The following PSMD1 variants were observed in gnomAD, a reference collection of about 807,000 sequenced individuals.
The protein encoded by PSMD1 is 26S proteasome non-ATPase regulatory subunit 1.
Under a neutral mutation model 119.0 loss-of-function variants are expected in PSMD1, and 18 were observed. That is an observed-to-expected ratio of 0.15 (90% CI 0.10 to 0.22). The LOEUF is 0.22. Among genes scored for constraint, PSMD1 ranks in the 10% least tolerant of loss-of-function variants. The probability of loss-of-function intolerance (pLI) is 1.00; values close to 1 mark genes in which losing one functional copy is unlikely to be tolerated. For synonymous variants in PSMD1, 374 were observed against 396.6 expected (o/e 0.94, Z 0.68); for missense variants, 702 against 1,158.5 (o/e 0.61, Z 5.72).
At chr2:231,069,195 A>G (rs777108235) in intron 5 of PSMD1, among the ~76,000 whole-genome samples, 25 of 152,334 alleles carry the variant, frequency 1.6e-4, no homozygotes, top group Middle Eastern at 3.4e-3. Context: ...TTTTAAAAAA[A>G]AAAAAGCAGA....
At chr2:231,086,048 T>G (rs1000871597) in intron 15 of PSMD1, among the ~76,000 whole-genome samples, 3 of 152,048 alleles carry the variant, frequency 2.0e-5, no homozygotes, top group Non-Finnish European at 4.4e-5. Flanking sequence ...TTTTTTTTTT[T>G]TAGCGACTTT....
chr2:231,066,866 C>T, intron 4 of PSMD1, 40 bp from the exon 5 acceptor site: 1 of 1,488,800 alleles, frequency 6.7e-7, no homozygotes, highest in South Asian at 1.4e-5. Context: ...ATAGTTTAGC[C>T]CAATTTACAA....
At chr2:231,117,078 T>C (rs1029005227) in intron 16 of PSMD1, among the ~76,000 whole-genome samples, 7 of 152,062 alleles carry the variant, frequency 4.6e-5, no homozygotes, top group Admixed American at 1.3e-4. Context: ...CTTTTCCTAG[T>C]CTAGAGACTT....
intron 17 of PSMD1, among the ~76,000 whole-genome samples, chr2:231,140,678 G>C (rs2125249324): frequency 6.6e-6 from 1 of 151,974 alleles, no homozygotes; most frequent in East Asian, 1.9e-4. Context: ...AGGAGTTCAA[G>C]ACCAGCCTGG....
At chr2:231,070,256 C>A in intron 6 of PSMD1, 88 bp downstream of exon 6, 1 of 1,074,568 alleles carries the variant, frequency 9.3e-7, no homozygotes, top group Non-Finnish European at 1.2e-6. Context: ...CTTTATATTA[C>A]TATAATGGCT....
chr2:231,094,044 T>C (rs1694666102), intron 16 of PSMD1, among the ~76,000 whole-genome samples: 1 of 152,230 alleles, frequency 6.6e-6, no homozygotes, highest in Non-Finnish European at 1.5e-5. Context: ...TGGATACATG[T>C]ACATATCTTT....
rs1249244585 is a variant in PSMD1 at position 231,123,601 on chromosome 2, T to G, written c.1884-15135T>G. 1.1e-5 allele frequency: 17 copies of G among 1,614,026 alleles called. No individual in the cohort carries two copies. The East Asian group carries it at 3.6e-4, about 34-fold the overall frequency. ...CATGAGTATCAGAAGAGCTGCCCAG[T>G]GCAGTTTATTTCCCTGTTCCTCAAC... On this transcript the variant is annotated intron_variant, in intron 16 of 24. Transcript: ENST00000308696.
intron 17 of PSMD1, chr2:231,139,111 G>GT (rs1180501821): frequency 1.5e-5 from 7 of 478,230 alleles, no homozygotes; most frequent in African/African-American, 5.9e-5. Context: ...TGATTTCTGG[G>GT]TTTTTTGTTT....
At chr2:231,099,899 T>C (rs1401969895) in intron 16 of PSMD1, among the ~76,000 whole-genome samples, 1 of 152,220 alleles carries the variant, frequency 6.6e-6, no homozygotes, top group East Asian at 1.9e-4. Context: ...GGAAATACTT[T>C]ACCGGCTCCC....
chr2:231,163,487 A>G (rs918058434), intron 20 of PSMD1, 148 bp from the exon 21 acceptor site: 10 of 556,608 alleles, frequency 1.8e-5, no homozygotes, highest in African/African-American at 1.7e-4. Flanking sequence ...AAACTAAATC[A>G]GTAAAAGTAG....
intron 24 of PSMD1, among the ~76,000 whole-genome samples, chr2:231,171,710 C>T (rs1696916250): frequency 6.6e-6 from 1 of 152,080 alleles, no homozygotes; most frequent in Non-Finnish European, 1.5e-5. Flanking sequence ...GCATGCGCCA[C>T]CACACCCGGC....
intron 16 of PSMD1, among the ~76,000 whole-genome samples, chr2:231,120,084 T>C (rs1695484721): frequency 6.6e-6 from 1 of 151,458 alleles, no homozygotes; most frequent in African/African-American, 2.4e-5. Flanking sequence ...CCCGAGTAGC[T>C]GGGACTACAG....
chr2:231,088,601 G>A (rs968695489), intron 16 of PSMD1, among the ~76,000 whole-genome samples: 3 of 152,090 alleles, frequency 2.0e-5, no homozygotes, highest in African/African-American at 7.2e-5. Context: ...GGGACACCAC[G>A]AACCACACCC....
chr2:231,151,750 A>G (rs1024634139), intron 18 of PSMD1, among the ~76,000 whole-genome samples: 9 of 152,010 alleles, frequency 5.9e-5, no homozygotes, highest in African/African-American at 2.2e-4. Flanking sequence ...AAATAAGTTC[A>G]GAATCAAAGG....
At chr2:231,109,167 TA>T in intron 16 of PSMD1, 1 of 1,614,210 alleles carries the variant, frequency 6.2e-7, no homozygotes, top group Non-Finnish European at 8.5e-7. Context: ...TGGAAAACTG[TA>T]GACACAGTCA....
intron 18 of PSMD1, among the ~76,000 whole-genome samples, chr2:231,152,568 G>A (rs1696397437): frequency 6.6e-6 from 1 of 152,188 alleles, no homozygotes; most frequent in African/African-American, 2.4e-5. Context: ...AGCCAGGGTT[G>A]TGTGATTCTA....
rs746528655 is a variant in PSMD1, at chr2:231,165,968, T to A, written c.2666T>A (p.Leu889His). ...DNPARVMPAQLKVLTMPETCR... is the reference protein window; with the variant it reads ...DNPARVMPAQHKVLTMPETCR... ...CCAGCCCGAGTTATGCCTGCCCAGC[T>A]TAAGGTCCTAACCATGCCGGAGACC... Residue 889 changes from leucine (L) to histidine (H), a missense_variant, in exon 23 of 25, where the codon CTT becomes CAT. Physicochemically the swap from Leu to His is moderately conservative, Grantham distance 99 (BLOSUM62 -3). Coordinates refer to ENST00000308696, the MANE Select transcript of PSMD1 (RefSeq NM_002807.4). 2.5e-6 allele frequency: 4 copies of A among 1,614,062 alleles called. No homozygotes were observed. The highest frequency in any genetic ancestry group is 3.4e-6 in the Non-Finnish European group (4 of 1,179,942).
Position 231,170,516 on chromosome 2 carries a change from A to C in PSMD1, c.2716-50A>C. On this transcript the variant is annotated intron_variant, in intron 23 of 24. Transcript: ENST00000308696. The surrounding 1 kb of genome is among the most constrained non-coding windows in gnomAD (Gnocchi z 4.1). ...AACAAGTATTTACTCTAGATTGTGG[A>C]GCACGCTTGAAATATGAGTGTACGC... 1 of 1,495,982 alleles carries C rather than the reference A, an allele frequency of 6.7e-7. No individual in the cohort carries two copies. Among genetic ancestry groups the C allele is most frequent in the Non-Finnish European group, 8.9e-7 (1 of 1,117,452 alleles). The allele number at this position is 1,495,982 out of a possible 1,614,324, so 92.7% of individuals were successfully genotyped here.
At chr2:231,123,274 G>A in intron 16 of PSMD1, 1 of 721,824 alleles carries the variant, frequency 1.4e-6, no homozygotes, top group Non-Finnish European at 2.5e-6. Flanking sequence ...TAAAACAAGG[G>A]ACTGTTTACT....
Sources: allele counts gnomAD v4.1 joint callset (sites outside exome capture counted in the v4.1 genomes callset), GRCh38; gene constraint gnomAD v4.1.1; non-coding constraint Gnocchi (gnomAD v3.1); transcripts MANE v1.5; gene names NCBI Gene and HGNC (gene_info 2026-07-23, HGNC 2026-07-21).